KREMEN1: variants seen among roughly 807,000 people sequenced by gnomAD.
KREMEN1 encodes the protein kremen protein 1.
A neutral mutation model predicts 46.5 loss-of-function variants in KREMEN1; 30 were observed. The observed-to-expected ratio is 0.65, with a 90% confidence interval of 0.48 to 0.88. The LOEUF (loss-of-function observed/expected upper bound fraction) is 0.88, where lower values mean the gene tolerates loss of function less well. Ranked by LOEUF, KREMEN1 falls within the 40% of genes least tolerant of loss-of-function variation. The pLI, the probability that KREMEN1 is intolerant of heterozygous loss-of-function variation, is 0.00. For synonymous variants in KREMEN1, 214 were observed against 230.6 expected, an observed-to-expected ratio of 0.93 and a Z score of 0.65; for missense variants, 533 against 596.9, an observed-to-expected ratio of 0.89 and a Z score of 1.11.
chr22:29,124,402 G>A (rs1251814356), intron 4 of KREMEN1, among the ~76,000 whole-genome samples: 1 of 152,052 alleles, frequency 6.6e-6, no homozygotes, highest in Non-Finnish European at 1.5e-5. Flanking sequence ...GGGTTTCTGG[G>A]GGAGGGGGCC....
At chr22:29,136,251 AC>A (rs2038654300) in intron 5 of KREMEN1, among the ~76,000 whole-genome samples, 1 of 150,612 alleles carries the variant, frequency 6.6e-6, no homozygotes, top group Non-Finnish European at 1.5e-5. Flanking sequence ...CCTAAAGGGA[AC>A]CAGAACTCCC....
At position 29,142,099 on chromosome 22, in the gene KREMEN1, T is replaced by A. The variant is rs752689144; in HGVS notation, c.1364T>A (p.Leu455His). 1 of 1,601,390 alleles carries A rather than the reference T, an allele frequency of 6.2e-7. No individual in the cohort carries two copies. Among genetic ancestry groups the A allele is most frequent in the Non-Finnish European group, 8.5e-7 (1 of 1,174,566 alleles). ...AGTCAACAAGATGACCGCAATCCCC[T>A]TGTGAGTGACTAAAAACCCCACTGT... ...GQSQQDDRNP[L>H]VSD The change falls in exon 9 of 9, where the codon CTT (leucine) becomes CAT (histidine). Residue 455 changes from leucine to histidine, a missense_variant. Leu to His is a moderately conservative substitution (Grantham distance 99). Transcript: ENST00000400335.
At chr22:29,114,329 C>CA (rs559499355) in intron 3 of KREMEN1, among the ~76,000 whole-genome samples, 3 of 151,532 alleles carry the variant, frequency 2.0e-5, no homozygotes, top group Admixed American at 2.0e-4. Context: ...ACTAAAAATA[C>CA]AAAAAAATTA....
At chr22:29,152,026 A>AAT in intron 9 of KREMEN1, among the ~76,000 whole-genome samples, 2 of 147,180 alleles carry the variant, frequency 1.4e-5, no homozygotes, top group Middle Eastern at 3.5e-3. Context: ...AAAAAAAAAA[A>AAT]GCACAGGAGT....
chr22:29,144,841 A>G lies in KREMEN1; in HGVS notation c.*2729A>G. The G allele has an allele frequency of 2.0e-6, 2 of 985,492 alleles. No homozygotes were observed. The highest frequency in any genetic ancestry group is 2.4e-6 in the Non-Finnish European group (2 of 829,972). The allele number at this position is 985,492 out of a possible 1,614,324, so 61.0% of individuals were successfully genotyped here. On this transcript the variant is annotated 3_prime_UTR_variant, in exon 9 of 9. Transcript: ENST00000400335. ...GTCAGGGGAGGCCATGCCCAAGCCA[A>G]TGTGCTGTCACAGCCTGCAGCGGGG...
chr22:29,105,256 T>C (rs8139248), intron 3 of KREMEN1, among the ~76,000 whole-genome samples: 2,616 of 152,268 alleles, frequency 0.017, 75 homozygotes, highest in African/African-American at 0.06. Flanking sequence ...TCCAGTCACC[T>C]GGGATCTTAT....
In KREMEN1 at chr22:29,144,245, C is replaced by T. The variant is rs6006028; in HGVS notation, c.*2133C>T. On this transcript the variant is annotated 3_prime_UTR_variant, in exon 9 of 9. Transcript: ENST00000400335. The stretch of plus-strand genomic sequence containing the variant: ...GGCTCCTACTGAGGTTCTGGAAACA[C>T]CTCTGCACCTGCCGCCCCTGGGAGG... 2.8e-3 allele frequency: 2,785 copies of T among 985,650 alleles called. 48 individuals carry two copies. The African/African-American group carries it at 0.043, about 15-fold the overall frequency. The allele number at this position is 985,650 out of a possible 1,614,324, so 61.1% of individuals were successfully genotyped here. A position where few individuals can be genotyped will look rare whatever the true frequency, so the allele number is the denominator to read the frequency against.
At position 29,140,167 on chromosome 22, in the gene KREMEN1, C is replaced by T. The variant is rs966982213; in HGVS notation, c.1124-115C>T. 4 of 782,290 alleles carry T rather than the reference C, an allele frequency of 5.1e-6. No individual in the cohort carries two copies. The Admixed American group carries it at 6.3e-5, about 12-fold the overall frequency. 48.5% of individuals were successfully genotyped at this position (782,290 alleles called of 1,614,324 possible). ...GCTAGGTTTGCTAGCTGCCCTCCCACACCGGCCTGCAGGGAGCCCCTCAGC... is the reference window on the plus strand; with the variant it reads ...GCTAGGTTTGCTAGCTGCCCTCCCATACCGGCCTGCAGGGAGCCCCTCAGC... On this transcript the variant is annotated intron_variant, in intron 7 of 8. Transcript: ENST00000400335.
intron 9 of KREMEN1, among the ~76,000 whole-genome samples, chr22:29,153,505 C>T (rs75681113): frequency 0.018 from 2,719 of 152,184 alleles, 85 homozygotes; most frequent in African/African-American, 0.062. Flanking sequence ...TGGGCTGCTA[C>T]GTCCAGCTGA....
At position 29,145,505 on chromosome 22, in the gene KREMEN1, C is replaced by T; in HGVS notation, c.*3393C>T. On this transcript the variant is annotated 3_prime_UTR_variant, in exon 9 of 9. Coordinates refer to ENST00000400335, the MANE Select transcript of KREMEN1 (RefSeq NM_001039570.3). ...CTTGGTACCTGTGCCAACAGGAGAG[C>T]CCTCACCAGCCGATCTTGTCACTCT... 1 of 985,596 alleles carries T rather than the reference C, an allele frequency of 1.0e-6. No individual in the cohort carries two copies. Among genetic ancestry groups the T allele is most frequent in the Non-Finnish European group, 1.2e-6 (1 of 830,068 alleles). The allele number at this position is 985,596 out of a possible 1,614,324, so 61.1% of individuals were successfully genotyped here. A position where few individuals can be genotyped will look rare whatever the true frequency, so the allele number is the denominator to read the frequency against.
Position 29,143,929 on chromosome 22 carries a change from A to T in KREMEN1, c.*1817A>T. On this transcript the variant is annotated 3_prime_UTR_variant, in exon 9 of 9. Transcript: ENST00000400335. ...AGAAGAGGGTGGGTTTGGGAATTGG[A>T]GCTCCTCCAAGGAGCTCCTCCTAAG... is the stretch of plus-strand genomic sequence containing the variant. 1.0e-6 allele frequency: 1 copy of T among 985,248 alleles called. No homozygotes were observed. Among genetic ancestry groups the T allele is most frequent in the Non-Finnish European group, 1.2e-6 (1 of 829,848 alleles). 61.0% of individuals were successfully genotyped at this position (985,248 alleles called of 1,614,324 possible).
At chr22:29,086,914 TTTTTAA>T (rs933963508) in intron 1 of KREMEN1, among the ~76,000 whole-genome samples, 1 of 151,998 alleles carries the variant, frequency 6.6e-6, no homozygotes, top group Non-Finnish European at 1.5e-5. Flanking sequence ...ACCCAGCAAA[TTTTTAA>T]TTTTAATTTT....
chr22:29,095,776 T>C (rs1379641755), intron 2 of KREMEN1, among the ~76,000 whole-genome samples: 6 of 152,198 alleles, frequency 3.9e-5, no homozygotes, highest in Non-Finnish European at 8.8e-5. Context: ...ATGTTTTCTT[T>C]ATCCCTATAC....
Position 29,144,743 on chromosome 22 carries a change from G to A in KREMEN1, c.*2631G>A, listed in dbSNP as rs563674110. 1 of 985,518 alleles carries A rather than the reference G, an allele frequency of 1.0e-6. No homozygotes were observed. Among genetic ancestry groups the A allele is most frequent in the South Asian group, 4.7e-5 (1 of 21,294 alleles). The allele number at this position is 985,518 out of a possible 1,614,324, so 61.0% of individuals were successfully genotyped here. A position where few individuals can be genotyped will look rare whatever the true frequency, so the allele number is the denominator to read the frequency against. On this transcript the variant is annotated 3_prime_UTR_variant, in exon 9 of 9. Transcript: ENST00000400335. ...CCAGGGGGCAGTTGTTCAGTTGCCT[G>A]GGGCTGACACTGACCACTGGCCTCT...
intron 9 of KREMEN1, among the ~76,000 whole-genome samples, chr22:29,165,149 G>T (rs1351028941): frequency 6.6e-6 from 1 of 152,004 alleles, no homozygotes; most frequent in Non-Finnish European, 1.5e-5. Context: ...CTCCAGCCTG[G>T]GCAACGGAGC....
At chr22:29,076,227 C>A (rs1478715288) in intron 1 of KREMEN1, among the ~76,000 whole-genome samples, 1 of 152,132 alleles carries the variant, frequency 6.6e-6, no homozygotes, top group African/African-American at 2.4e-5. Flanking sequence ...CTGTGAATAC[C>A]TTTTATAAGT....
At chr22:29,123,181 T>C (rs967239971) in intron 4 of KREMEN1, among the ~76,000 whole-genome samples, 1 of 151,630 alleles carries the variant, frequency 6.6e-6, no homozygotes, top group African/African-American at 2.4e-5. Flanking sequence ...GCACGACCCA[T>C]CATGAGAAAA....
Position 29,144,632 on chromosome 22 carries a change from T to C in KREMEN1, c.*2520T>C, listed in dbSNP as rs1416204896. The C allele has an allele frequency of 1.0e-6, 1 of 985,416 alleles. No individual in the cohort carries two copies. The highest frequency in any genetic ancestry group is 1.7e-5 in the African/African-American group (1 of 57,254). The allele number at this position is 985,416 out of a possible 1,614,324, so 61.0% of individuals were successfully genotyped here. A position where few individuals can be genotyped will look rare whatever the true frequency, so the allele number is the denominator to read the frequency against. On this transcript the variant is annotated 3_prime_UTR_variant, in exon 9 of 9. Transcript: ENST00000400335. ...CTCAAACATAAGTGTCAGGTGTGTG[T>C]CGTCCCAACGGGTCCTGTGCTGTGA...
chr22:29,077,213 G>A (rs2037586791), intron 1 of KREMEN1, among the ~76,000 whole-genome samples: 1 of 152,176 alleles, frequency 6.6e-6, no homozygotes, highest in African/African-American at 2.4e-5. Context: ...AATAATATGA[G>A]ATTCATGGGC....
Sources: allele counts gnomAD v4.1 joint callset (sites outside exome capture counted in the v4.1 genomes callset), GRCh38; gene constraint gnomAD v4.1.1; transcripts MANE v1.5; gene names NCBI Gene and HGNC (gene_info 2026-07-23, HGNC 2026-07-21).